The following ARHGEF12 variants were observed in gnomAD, a reference collection of about 807,000 sequenced individuals.
ARHGEF12 encodes KMT2A/ARHGEF12 fusion protein.
ARHGEF12 carries 66 observed loss-of-function variants against 211.2 expected under a neutral mutation model. That is an observed-to-expected ratio of 0.31 (90% CI 0.26 to 0.38). The LOEUF (loss-of-function observed/expected upper bound fraction) is 0.38. ARHGEF12 is among the 10% of genes least tolerant of loss of function. The probability of loss-of-function intolerance (pLI) is 1.00; values close to 1 mark genes in which losing one functional copy is unlikely to be tolerated. For synonymous variants in ARHGEF12, 592 were observed against 638.4 expected (o/e 0.93, Z 1.09); for missense variants, 1,429 against 1,869.5 (o/e 0.76, Z 4.34).
intron 1 of ARHGEF12, among the ~76,000 whole-genome samples, chr11:120,397,640 G>A (rs1565451964): frequency 6.6e-6 from 1 of 152,050 alleles, no homozygotes. Context: ...ATCTGATTTG[G>A]AAGTTCAATA....
At chr11:120,367,681 G>A (rs2135395240) in intron 1 of ARHGEF12, among the ~76,000 whole-genome samples, 1 of 151,176 alleles carries the variant, frequency 6.6e-6, no homozygotes, top group South Asian at 2.2e-4. Context: ...CTGTTTAAAT[G>A]ATAAAATAGC....
chr11:120,465,098 T>G, intron 27 of ARHGEF12, 139 bp from the exon 28 acceptor site: 2 of 1,054,234 alleles, frequency 1.9e-6, no homozygotes, highest in Non-Finnish European at 2.8e-6. Flanking sequence ...GGAGAACCAT[T>G]GATATTCCAC....
intron 25 of ARHGEF12, 170 bp from the exon 26 acceptor site, chr11:120,459,004 T>G (rs547134467): frequency 1.8e-4 from 89 of 501,546 alleles, no homozygotes; most frequent in African/African-American, 1.6e-3. Context: ...AGAGCCAGTA[T>G]GTAGGAAAAT....
intron 14 of ARHGEF12, 98 bp from the exon 15 acceptor site, chr11:120,442,006 A>T: frequency 2.3e-6 from 2 of 888,212 alleles, no homozygotes; most frequent in African/African-American, 3.4e-5. Context: ...GTTTATGGTG[A>T]CCTACCTGTT....
intron 39 of ARHGEF12, 78 bp from the exon 40 acceptor site, chr11:120,484,360 C>T: frequency 7.4e-7 from 1 of 1,349,908 alleles, no homozygotes. Flanking sequence ...AAAAGGGCTT[C>T]TTTTCTGTTT....
chr11:120,376,442 T>C (rs1243567135), intron 1 of ARHGEF12, among the ~76,000 whole-genome samples: 2 of 152,180 alleles, frequency 1.3e-5, no homozygotes, highest in Non-Finnish European at 2.9e-5. Context: ...CTGAGACTTA[T>C]TTCCTTCATT....
chr11:120,485,068 T>C lies in ARHGEF12; in HGVS notation c.4626T>C (p.Asp1542=), dbSNP rs758512732. 5 of 1,613,528 alleles carry C rather than the reference T, an allele frequency of 3.1e-6. No homozygotes were observed. Among genetic ancestry groups the C allele is most frequent in the South Asian group, 1.1e-5 (1 of 91,014 alleles). The part of the protein sequence containing the change: ...AGSALTDKHS[D]KS ...TCCATGTATCTTTATTCTTCTCAGATAAAAGTTAGAGCCGCATGTCCTGGA... is the reference window on the plus strand; with the variant it reads ...TCCATGTATCTTTATTCTTCTCAGACAAAAGTTAGAGCCGCATGTCCTGGA... Residue 1542 remains aspartate, a splice_region_variant and synonymous_variant, in exon 41 of 41, where the codon GAT becomes GAC. Coordinates refer to ENST00000397843, the MANE Select transcript of ARHGEF12 (RefSeq NM_015313.3).
intron 20 of ARHGEF12, 28 bp from the exon 21 acceptor site, chr11:120,449,081 T>A (rs548438631): frequency 6.3e-7 from 1 of 1,583,934 alleles, no homozygotes; most frequent in African/African-American, 1.3e-5. Context: ...CTGTTACGTA[T>A]CTCTTATTTT....
At chr11:120,472,961 G>T in intron 30 of ARHGEF12, 89 bp from the exon 31 acceptor site, 1 of 1,301,890 alleles carries the variant, frequency 7.7e-7, no homozygotes. Context: ...GGCCAAAATG[G>T]AGATTTTAAA....
chr11:120,445,294 T>G, intron 15 of ARHGEF12, 128 bp from the exon 16 acceptor site: 182 of 841,452 alleles, frequency 2.2e-4, no homozygotes, highest in Non-Finnish European at 3.3e-4. Context: ...AATGAATAAA[T>G]GAGCTTGTAC....
intron 38 of ARHGEF12, among the ~76,000 whole-genome samples, chr11:120,480,849 C>T (rs1411209734): frequency 6.6e-6 from 1 of 151,998 alleles, no homozygotes; most frequent in Non-Finnish European, 1.5e-5. Flanking sequence ...GGAATAAAGC[C>T]GGGTGGGTAC....
chr11:120,390,221 A>G (rs1335805004), intron 1 of ARHGEF12, among the ~76,000 whole-genome samples: 1 of 152,172 alleles, frequency 6.6e-6, no homozygotes, highest in African/African-American at 2.4e-5. Flanking sequence ...GTCAAAGCCT[A>G]CCAGACTTCC....
Position 120,363,587 on chromosome 11 carries a change from G to A in ARHGEF12, c.32+26312G>A, listed in dbSNP as rs189783369. ...AAAAACATTAGGTGACTAATAATTTGGTGCTTATGTGACTGTGGCAAATCA... is the reference window on the plus strand; with the variant it reads ...AAAAACATTAGGTGACTAATAATTTAGTGCTTATGTGACTGTGGCAAATCA... On this transcript the variant is annotated intron_variant, in intron 1 of 40. Coordinates refer to ENST00000397843, the MANE Select transcript of ARHGEF12 (RefSeq NM_015313.3). Among the ~76,000 whole-genome samples, 975 of 152,292 alleles carry A rather than the reference G, an allele frequency of 6.4e-3. 9 individuals carry two copies. The highest frequency in any genetic ancestry group is 0.012 in the Admixed American group (189 of 15,304).
chr11:120,367,527 G>A (rs926955821), intron 1 of ARHGEF12, among the ~76,000 whole-genome samples: 9 of 151,564 alleles, frequency 5.9e-5, no homozygotes, highest in Non-Finnish European at 8.8e-5. Flanking sequence ...CACCATGTCC[G>A]GCTAATTTTT....
chr11:120,463,821 C>T (rs1946613985), intron 27 of ARHGEF12: 1 of 152,028 alleles, frequency 6.6e-6, no homozygotes, highest in Non-Finnish European at 1.5e-5. Context: ...TACAAAATGC[C>T]TTTATGTACA....
At chr11:120,418,361 T>A (rs947522311) in intron 4 of ARHGEF12, among the ~76,000 whole-genome samples, 1 of 152,228 alleles carries the variant, frequency 6.6e-6, no homozygotes, top group Non-Finnish European at 1.5e-5. Flanking sequence ...CCATGATGTT[T>A]TTATGTTTCA....
Position 120,478,240 on chromosome 11 carries a change from G to A in ARHGEF12, c.3617G>A (p.Arg1206His), listed in dbSNP as rs367746003. 11 of 1,614,026 alleles carry A rather than the reference G, an allele frequency of 6.8e-6. No homozygotes were observed. Among genetic ancestry groups the A allele is most frequent in the Middle Eastern group, 1.6e-4 (1 of 6,082 alleles). ...AGTACCTCTGGGAAATCAGAGGTAC[G>A]TGATCTGTTTGTGGCTGAGAGACAG... Reference protein sequence around the residue: ...SLSTSGKSEVRDLFVAERQFA... With the variant: ...SLSTSGKSEVHDLFVAERQFA... The change falls in exon 37 of 41, where the codon CGT becomes CAT. Residue 1206 changes from arginine to histidine, a missense_variant. Physicochemically the swap from Arg to His is conservative, Grantham distance 29 (BLOSUM62 0). Around this residue, in one of 7 missense-constraint regions of ARHGEF12, gnomAD observed 467 missense variants for 468.4 expected, o/e 1.00. Transcript: ENST00000397843.
intron 1 of ARHGEF12, among the ~76,000 whole-genome samples, chr11:120,340,852 A>G (rs1286149877): frequency 6.6e-6 from 1 of 152,250 alleles, no homozygotes; most frequent in Non-Finnish European, 1.5e-5. Flanking sequence ...ACAGTTTTAC[A>G]TGAGTCAACA....
Position 120,487,821 on chromosome 11 carries a change from T to TA in ARHGEF12, c.*2746dup, listed in dbSNP as rs1947434798. 4.5e-6 allele frequency: 1 copy of TA among 220,036 alleles called. No homozygotes were observed. The highest frequency in any genetic ancestry group is 9.1e-6 in the Non-Finnish European group (1 of 109,856). 13.6% of individuals were successfully genotyped at this position (220,036 alleles called of 1,614,324 possible). The stretch of plus-strand genomic sequence containing the variant: ...GTCTCCTTCCTTTTCAGAGAACAGT[T>TA]AATCAAGGCAAATCAGCAAGCCCCC... On this transcript the variant is annotated 3_prime_UTR_variant, in exon 41 of 41. Coordinates refer to ENST00000397843, the MANE Select transcript of ARHGEF12 (RefSeq NM_015313.3).
Sources: gnomAD v4.1 joint callset for allele counts (sites outside exome capture counted in the v4.1 genomes callset) on GRCh38, gnomAD v4.1.1 for gene constraint, gnomAD v4.1.1 regional missense constraint, MANE v1.5 for transcripts, NCBI Gene and HGNC (gene_info 2026-07-23, HGNC 2026-07-21) for gene names.